Variants in AEBP2 observed in about 807,000 individuals in gnomAD.
The protein encoded by AEBP2 is AE binding protein 2, also known as zinc finger protein AEBP2.
AEBP2 carries 10 observed loss-of-function variants against 50.8 expected under a neutral mutation model. That is an observed-to-expected ratio of 0.20 (90% confidence interval 0.12 to 0.33). The LOEUF is 0.33. Ranked by LOEUF, AEBP2 falls within the 10% of genes least tolerant of loss-of-function variation. AEBP2 has a pLI of 1.00. For missense variants in AEBP2, 570 were observed against 688.0 expected (o/e 0.83, Z 1.92); for synonymous variants, 296 against 261.3 (o/e 1.13, Z -1.28).
At chr12:19,448,107 A>C (rs1251793212) in intron 1 of AEBP2, among the ~76,000 whole-genome samples, 2 of 152,090 alleles carry the variant, frequency 1.3e-5, no homozygotes, top group Admixed American at 6.6e-5. Context: ...AGGTCTTGCT[A>C]TGTTGCCGAG....
chr12:19,518,326 C>T lies in AEBP2; in HGVS notation c.*209C>T. 8.0e-7 allele frequency: 1 copy of T among 1,245,350 alleles called. No individual in the cohort carries two copies. The highest frequency in any genetic ancestry group is 3.3e-5 in the East Asian group (1 of 30,100). The allele number at this position is 1,245,350 out of a possible 1,614,324, so 77.1% of individuals were successfully genotyped here. On this transcript the variant is annotated 3_prime_UTR_variant, in exon 8 of 8. Transcript: ENST00000266508. ...TTCGGTGGAATATATTAATATATTA[C>T]TGTATATCCACATTTTCATGGAATG...
At chr12:19,476,776 T>A (rs1244698115) in intron 3 of AEBP2, among the ~76,000 whole-genome samples, 1 of 152,244 alleles carries the variant, frequency 6.6e-6, no homozygotes, top group Admixed American at 6.5e-5. Flanking sequence ...TTTTGCTTAG[T>A]CTTGCTTTGG....
intron 1 of AEBP2, among the ~76,000 whole-genome samples, chr12:19,445,572 A>G (rs1384898228): frequency 6.6e-6 from 1 of 152,046 alleles, no homozygotes; most frequent in East Asian, 1.9e-4. Context: ...CAAAACCCTT[A>G]CCTCATGAGT....
At chr12:19,462,107 T>G (rs1948389660) in intron 1 of AEBP2, among the ~76,000 whole-genome samples, 1 of 152,188 alleles carries the variant, frequency 6.6e-6, no homozygotes, top group Non-Finnish European at 1.5e-5. Context: ...TTTGCAGAGC[T>G]ATAAAGATAA....
intron 1 of AEBP2, among the ~76,000 whole-genome samples, chr12:19,404,807 A>G (rs1161407955): frequency 6.6e-6 from 1 of 151,820 alleles, no homozygotes; most frequent in East Asian, 1.9e-4. Context: ...TCTGAGGTCT[A>G]TGTGGCAGTG....
At chr12:19,492,297 T>A (rs1023772613) in intron 3 of AEBP2, among the ~76,000 whole-genome samples, 2 of 152,230 alleles carry the variant, frequency 1.3e-5, no homozygotes, top group Non-Finnish European at 2.9e-5. Context: ...CCCCAAGATA[T>A]AATTAGAAAT....
rs1214556133 is a variant in AEBP2 at position 19,482,465 on chromosome 12, CTGT to C, written c.987+9115_987+9117del. Among the ~76,000 whole-genome samples the C allele has an allele frequency of 2.6e-5, 4 of 152,188 alleles. 1 individual carries two copies. Among genetic ancestry groups the C allele is most frequent in the Admixed American group, 2.0e-4 (3 of 15,274 alleles). ...AGGATGTCGCAGGCAGTGGAATTAG[CTGT>C]TGTTTTCCGCTTCCTGGGATCTGGG... On this transcript the variant is annotated intron_variant, in intron 3 of 7. Transcript: ENST00000266508.
At chr12:19,410,993 G>A (rs2095738961) in intron 1 of AEBP2, among the ~76,000 whole-genome samples, 1 of 152,070 alleles carries the variant, frequency 6.6e-6, no homozygotes, top group Admixed American at 6.6e-5. Context: ...CATATCAATG[G>A]CAGAGAAATT....
At chr12:19,463,989 A>G (rs564330117) in intron 2 of AEBP2, among the ~76,000 whole-genome samples, 1 of 152,298 alleles carries the variant, frequency 6.6e-6, no homozygotes, top group South Asian at 2.1e-4. Flanking sequence ...AGACATATTC[A>G]TCCCTGTCAC....
intron 1 of AEBP2, chr12:19,418,956 A>G (rs930935251): frequency 6.6e-6 from 1 of 152,528 alleles, no homozygotes; most frequent in African/African-American, 2.4e-5. Flanking sequence ...AATTTTCGTC[A>G]ATATCTCAAA....
At chr12:19,405,909 C>G (rs1426935980) in intron 1 of AEBP2, among the ~76,000 whole-genome samples, 1 of 151,566 alleles carries the variant, frequency 6.6e-6, no homozygotes, top group Non-Finnish European at 1.5e-5. Context: ...TCAAGTGATT[C>G]TCCTGTGTCA....
At chr12:19,478,795 TAATTTC>T (rs1202747858) in intron 3 of AEBP2, among the ~76,000 whole-genome samples, 1 of 152,222 alleles carries the variant, frequency 6.6e-6, no homozygotes, top group African/African-American at 2.4e-5. Flanking sequence ...CTTTTGGAGT[TAATTTC>T]CAGTTTCATT....
intron 2 of AEBP2, among the ~76,000 whole-genome samples, chr12:19,471,486 A>C (rs1210510786): frequency 1.3e-5 from 2 of 151,944 alleles, no homozygotes; most frequent in Non-Finnish European, 2.9e-5. Flanking sequence ...ACAATATTGA[A>C]TTAATTTCTA....
At chr12:19,496,841 T>G (rs1039343176) in intron 4 of AEBP2, among the ~76,000 whole-genome samples, 1 of 151,668 alleles carries the variant, frequency 6.6e-6, no homozygotes, top group Non-Finnish European at 1.5e-5. Context: ...TTTGTATTTT[T>G]TTTTGGTAGA....
At chr12:19,424,748 C>T (rs2095747660) in intron 1 of AEBP2, among the ~76,000 whole-genome samples, 1 of 152,034 alleles carries the variant, frequency 6.6e-6, no homozygotes, top group Non-Finnish European at 1.5e-5. Context: ...TGGCTCACAC[C>T]TACAATCCCA....
chr12:19,418,389 C>CA (rs1555179202), intron 1 of AEBP2, among the ~76,000 whole-genome samples: 1 of 94,928 alleles, frequency 1.1e-5, no homozygotes, highest in African/African-American at 4.0e-5. Context: ...CTATGCCTGG[C>CA]TTTTTTTTTT....
At chr12:19,422,145 G>A (rs141194453) in intron 1 of AEBP2, among the ~76,000 whole-genome samples, 1 of 152,136 alleles carries the variant, frequency 6.6e-6, no homozygotes, top group South Asian at 2.1e-4. Flanking sequence ...CTGGGTGGAG[G>A]GGGGAGGGGA....
chr12:19,440,969 A>G (rs964777971), intron 1 of AEBP2, among the ~76,000 whole-genome samples: 11 of 152,120 alleles, frequency 7.2e-5, no homozygotes, highest in African/African-American at 2.2e-4. Context: ...AATCTTTTCT[A>G]TTTGTTTTGG....
At chr12:19,509,695 T>G (rs1195585899) in intron 5 of AEBP2, among the ~76,000 whole-genome samples, 4 of 152,082 alleles carry the variant, frequency 2.6e-5, no homozygotes, top group Non-Finnish European at 5.9e-5. Context: ...TGCAGTGAGC[T>G]GAGATTATGT....
Sources: gnomAD v4.1 joint callset for allele counts (sites outside exome capture counted in the v4.1 genomes callset) on GRCh38, gnomAD v4.1.1 for gene constraint, MANE v1.5 for transcripts, NCBI Gene and HGNC (gene_info 2026-07-23, HGNC 2026-07-21) for gene names.